The following RGPD1 variants were observed in gnomAD, a reference collection of about 807,000 sequenced individuals.
The protein encoded by RGPD1 is RANBP2-like and GRIP domain-containing protein 1.
Under a neutral mutation model 40.6 loss-of-function variants are expected in RGPD1, and 7 were observed. The ratio of observed to expected loss-of-function variants is 0.17; its 90% CI spans 0.10 to 0.32. The LOEUF is 0.32. Among genes scored for constraint, RGPD1 ranks in the 10% least tolerant of loss-of-function variants. The pLI is 1.00. For missense variants in RGPD1, 50 were observed against 472.5 expected, an observed-to-expected ratio of 0.11 and a Z score of 8.29; for synonymous variants, 24 against 167.0, an observed-to-expected ratio of 0.14 and a Z score of 6.60.
chr2:86,913,910 T>C (rs1387705319), exon 1 of RGPD1: 1 of 1,541,886 alleles, frequency 6.5e-7, no homozygotes, highest in African/African-American at 1.5e-5. Flanking sequence ...CTCCGCCCCG[T>C]CGCCTGGAAA....
chr2:86,930,528 C>G, intron 1 of RGPD1: 1 of 1,564,904 alleles, frequency 6.4e-7, no homozygotes, highest in African/African-American at 1.4e-5. Context: ...TCGTCGGTGG[C>G]GGAAGGCCCA....
chr2:86,941,872 G>A (rs1398311675), upstream of RGPD1, among the ~76,000 whole-genome samples: 9 of 151,546 alleles, frequency 5.9e-5, no homozygotes, highest in Admixed American at 3.3e-4. Context: ...CTCCACGCCC[G>A]GGTAATTTTT....
intron 1 of RGPD1, 62 bp downstream of exon 1, chr2:86,942,370 C>A: frequency 1.9e-6 from 2 of 1,057,754 alleles, no homozygotes; most frequent in South Asian, 1.7e-5. Flanking sequence ...TCGACCTGGC[C>A]GGGCGGCGGC....
chr2:86,962,605 G>A (rs1681001495), intron 6 of RGPD1, among the ~76,000 whole-genome samples: 1 of 128,776 alleles, frequency 7.8e-6, no homozygotes, highest in Non-Finnish European at 1.6e-5. Flanking sequence ...TCAAATACCT[G>A]TCAGTTATTT....
intron 1 of RGPD1, among the ~76,000 whole-genome samples, chr2:86,925,077 T>C (rs567970974): frequency 1.3e-5 from 2 of 152,388 alleles, no homozygotes; most frequent in South Asian, 4.1e-4. Flanking sequence ...TTATGTATCT[T>C]TTTGTGAAGT....
intron 1 of RGPD1, among the ~76,000 whole-genome samples, chr2:86,925,044 T>G (rs1187889984): frequency 6.6e-6 from 1 of 152,214 alleles, no homozygotes; most frequent in Non-Finnish European, 1.5e-5. Flanking sequence ...TGTTAAACAC[T>G]CTTTCATGTG....
intron 4 of RGPD1, among the ~76,000 whole-genome samples, chr2:86,956,812 G>T (rs1680761033): frequency 1.1e-5 from 1 of 92,588 alleles, no homozygotes; most frequent in Non-Finnish European, 2.0e-5. Context: ...TGATGTTATT[G>T]TCTTGAAGGG....
intron 1 of RGPD1, among the ~76,000 whole-genome samples, chr2:86,933,461 T>C (rs1679125540): frequency 6.7e-6 from 1 of 148,672 alleles, no homozygotes; most frequent in Non-Finnish European, 1.5e-5. Flanking sequence ...TGCTTTGTAT[T>C]TTTCATTAAA....
chr2:86,993,378 GTTC>G (rs1358673626), intron 20 of RGPD1, among the ~76,000 whole-genome samples: 3 of 98,882 alleles, frequency 3.0e-5, no homozygotes, highest in Non-Finnish European at 5.7e-5. Context: ...GTCTAAATAT[GTTC>G]TTCTTCTTTA....
intron 1 of RGPD1, among the ~76,000 whole-genome samples, chr2:86,925,958 T>C (rs539250184): frequency 6.6e-6 from 1 of 152,152 alleles, no homozygotes; most frequent in Non-Finnish European, 1.5e-5. Flanking sequence ...TTCCTTTAAA[T>C]ATTTTCACAC....
chr2:86,913,895 C>A, exon 1 of RGPD1: 1 of 1,567,842 alleles, frequency 6.4e-7, no homozygotes, highest in Middle Eastern at 2.3e-4. Flanking sequence ...CGCCTCGGTG[C>A]AGGGCTCCGC....
chr2:86,915,107 C>T (rs1224591493), intron 1 of RGPD1, among the ~76,000 whole-genome samples: 2 of 149,810 alleles, frequency 1.3e-5, no homozygotes, highest in African/African-American at 2.5e-5. Flanking sequence ...ACCAGCCTGG[C>T]CAACGTGGTG....
intron 22 of RGPD1, among the ~76,000 whole-genome samples, chr2:87,007,189 T>TG: frequency 4.5e-5 from 3 of 66,902 alleles, no homozygotes; most frequent in Admixed American, 1.7e-4. Flanking sequence ...TTTAATTTGT[T>TG]TTTGTTGTTG....
At chr2:86,931,233 G>C (rs1237391445) in intron 1 of RGPD1, among the ~76,000 whole-genome samples, 1 of 151,380 alleles carries the variant, frequency 6.6e-6, no homozygotes, top group East Asian at 1.9e-4. Flanking sequence ...ATAGTGTTTT[G>C]TACCTTTCCT....
chr2:86,937,433 G>A (rs1679431546), upstream of RGPD1, among the ~76,000 whole-genome samples: 1 of 145,194 alleles, frequency 6.9e-6, no homozygotes, highest in Non-Finnish European at 1.5e-5. Context: ...GGGACTGTTA[G>A]CAATATGTCA....
intron 1 of RGPD1, 33 bp downstream of exon 1, chr2:86,942,341 ACCTGGCCGGGCGGC>A: frequency 1.0e-6 from 1 of 960,224 alleles, no homozygotes; most frequent in South Asian, 2.2e-5. Context: ...GACGGCCTCG[ACCTGGCCGGGCGGC>A]GGCCTCGACC....
At position 86,920,262 on chromosome 2, in the gene RGPD1, G is replaced by T. The variant is rs1337186475; in HGVS notation, c.72+6341G>T. Among the ~76,000 whole-genome samples, 5 of 151,560 alleles carry T rather than the reference G, an allele frequency of 3.3e-5. No individual in the cohort carries two copies. The East Asian group carries it at 9.6e-4, about 29-fold the overall frequency. ...TTTCTGTATTTTTAGTAGAGACGGG[G>T]TTTTGCCATGTGGGCTATGCTGGTT... On this transcript the variant is annotated intron_variant, in intron 1 of 22. Coordinates refer to the RGPD1 transcript ENST00000398193.
intron 1 of RGPD1, among the ~76,000 whole-genome samples, chr2:86,928,271 G>A (rs894120570): frequency 2.0e-5 from 3 of 152,034 alleles, no homozygotes; most frequent in African/African-American, 4.8e-5. Flanking sequence ...GGGAGTGGGA[G>A]GTAGAGAAAA....
intron 1 of RGPD1, among the ~76,000 whole-genome samples, chr2:86,914,665 CGGCCTCGACCTGGCCG>C (rs1202469960): frequency 2.2e-5 from 1 of 44,730 alleles, no homozygotes; most frequent in Non-Finnish European, 4.5e-5. Context: ...GCGGCGGCGG[CGGCCTCGACCTGGCCG>C]GGCGGCGGCG....
Sources: allele counts gnomAD v4.1 joint callset (sites outside exome capture counted in the v4.1 genomes callset), GRCh38; gene constraint gnomAD v4.1.1; transcripts MANE v1.5; gene names NCBI Gene and HGNC (gene_info 2026-07-23, HGNC 2026-07-21).